The following KCTD16 variants were observed in gnomAD, a reference collection of about 807,000 sequenced individuals.
KCTD16 encodes the protein potassium channel tetramerization domain containing 16.
KCTD16 carries 13 observed loss-of-function variants against 33.2 expected under a neutral mutation model. That is an observed-to-expected ratio of 0.39 (90% CI 0.25 to 0.62). The LOEUF (loss-of-function observed/expected upper bound fraction) is 0.62, where lower values mean the gene tolerates loss of function less well. KCTD16 is among the 20% of genes least tolerant of loss of function. The probability of loss-of-function intolerance (pLI) is 0.50; values close to 1 mark genes in which losing one functional copy is unlikely to be tolerated. For synonymous variants in KCTD16, 197 were observed against 195.3 expected (o/e 1.01, Z -0.07); for missense variants, 441 against 525.1 (o/e 0.84, Z 1.57).
At chr5:144,251,004 C>T (rs978901728) in intron 3 of KCTD16, among the ~76,000 whole-genome samples, 2 of 151,868 alleles carry the variant, frequency 1.3e-5, no homozygotes, top group South Asian at 4.2e-4. Context: ...CGATAAGTAG[C>T]CACATTTTTA....
intron 3 of KCTD16, among the ~76,000 whole-genome samples, chr5:144,413,594 A>G (rs970138228): frequency 7.2e-5 from 11 of 152,218 alleles, no homozygotes; most frequent in African/African-American, 2.7e-4. Context: ...CAATGCTACA[A>G]GACCCCCTTG....
chr5:144,288,476 T>C (rs1580847154), intron 3 of KCTD16, among the ~76,000 whole-genome samples: 2 of 152,206 alleles, frequency 1.3e-5, no homozygotes, highest in African/African-American at 4.8e-5. Context: ...CTATCACCAA[T>C]GGCATCACCA....
chr5:144,366,813 C>T (rs1751846912), intron 3 of KCTD16, among the ~76,000 whole-genome samples: 1 of 152,160 alleles, frequency 6.6e-6, no homozygotes, highest in Non-Finnish European at 1.5e-5. Flanking sequence ...CATGATAGGG[C>T]CACTCAGATG....
chr5:144,470,749 A>C (rs952210673), intron 3 of KCTD16, among the ~76,000 whole-genome samples: 2 of 152,206 alleles, frequency 1.3e-5, no homozygotes, highest in African/African-American at 4.8e-5. Flanking sequence ...ATTTAAATAC[A>C]TGATCATCCC....
chr5:144,209,686 T>A (rs1297781441), intron 3 of KCTD16, among the ~76,000 whole-genome samples: 1 of 151,500 alleles, frequency 6.6e-6, no homozygotes, highest in Non-Finnish European at 1.5e-5. Context: ...GTGCTCGGGT[T>A]AATGGGACGA....
At chr5:144,446,300 T>C (rs947819394) in intron 3 of KCTD16, among the ~76,000 whole-genome samples, 1 of 151,988 alleles carries the variant, frequency 6.6e-6, no homozygotes, top group African/African-American at 2.4e-5. Flanking sequence ...AAACAAGCAA[T>C]GGGGAAAGGA....
intron 3 of KCTD16, among the ~76,000 whole-genome samples, chr5:144,216,856 A>AG (rs1307405900): frequency 7.4e-6 from 1 of 134,460 alleles, no homozygotes; most frequent in East Asian, 1.9e-4. Flanking sequence ...AAAAAAAAAA[A>AG]AAAAGAAAAA....
intron 3 of KCTD16, among the ~76,000 whole-genome samples, chr5:144,450,909 G>A (rs1753926524): frequency 6.6e-6 from 1 of 152,020 alleles, no homozygotes; most frequent in Non-Finnish European, 1.5e-5. Context: ...ATATGGTATT[G>A]TACACTTAAA....
At chr5:144,333,847 G>T (rs1752417028) in intron 3 of KCTD16, among the ~76,000 whole-genome samples, 1 of 152,138 alleles carries the variant, frequency 6.6e-6, no homozygotes, top group Non-Finnish European at 1.5e-5. Flanking sequence ...GACAGATGAA[G>T]AACTAGGTCC....
At chr5:144,251,167 C>T (rs1754690329) in intron 3 of KCTD16, among the ~76,000 whole-genome samples, 1 of 152,024 alleles carries the variant, frequency 6.6e-6, no homozygotes, top group Non-Finnish European at 1.5e-5. Flanking sequence ...TAAGGCGAAG[C>T]TTGAAGAATT....
chr5:144,430,861 T>C (rs944567490), intron 3 of KCTD16, among the ~76,000 whole-genome samples: 3 of 152,166 alleles, frequency 2.0e-5, no homozygotes, highest in South Asian at 2.1e-4. Context: ...TTTCTGCACA[T>C]TGCTTTCCTA....
chr5:144,452,532 G>A (rs1753968987), intron 3 of KCTD16, among the ~76,000 whole-genome samples: 1 of 151,882 alleles, frequency 6.6e-6, no homozygotes, highest in African/African-American at 2.4e-5. Context: ...GGACGAGAAA[G>A]AGCATTGCTA....
intron 3 of KCTD16, among the ~76,000 whole-genome samples, chr5:144,402,491 G>A (rs968497223): frequency 5.9e-5 from 9 of 152,124 alleles, no homozygotes; most frequent in African/African-American, 1.9e-4. Flanking sequence ...AAGAATATAA[G>A]TTAGACTGAT....
chr5:144,395,919 T>A (rs1752558099), intron 3 of KCTD16, among the ~76,000 whole-genome samples: 1 of 152,228 alleles, frequency 6.6e-6, no homozygotes, highest in Non-Finnish European at 1.5e-5. Context: ...CCTGTTTTTG[T>A]AAGTAGTTTC....
rs867399350 is a variant in KCTD16, at chr5:144,256,241, C to G, written c.832+48695C>G. On this transcript the variant is annotated intron_variant, in intron 3 of 3. Coordinates refer to ENST00000512467, the MANE Select transcript of KCTD16 (RefSeq NM_020768.4). The stretch of plus-strand genomic sequence containing the variant: ...TCATTTGGACAAAACAAAAAAGGTG[C>G]AACGATGATTCTTTGTACGGATATA... Among the ~76,000 whole-genome samples the G allele has an allele frequency of 4.4e-4, 67 of 152,274 alleles. 1 individual carries two copies. The highest frequency in any genetic ancestry group is 1.5e-3 in the African/African-American group (64 of 41,558).
chr5:144,435,024 G>A (rs1315472807), intron 3 of KCTD16, among the ~76,000 whole-genome samples: 2 of 152,176 alleles, frequency 1.3e-5, no homozygotes, highest in Admixed American at 1.3e-4. Flanking sequence ...TTTAGAAGGG[G>A]AAGTGGCCAG....
At chr5:144,418,250 C>A (rs1206938710) in intron 3 of KCTD16, among the ~76,000 whole-genome samples, 5 of 152,156 alleles carry the variant, frequency 3.3e-5, no homozygotes, top group East Asian at 3.8e-4. Flanking sequence ...AAGAACAAGG[C>A]TTCCACAGCG....
rs533669227 is a variant in KCTD16 at position 144,441,334 on chromosome 5, GC to G, written c.833-32325del. Among the ~76,000 whole-genome samples the G allele has an allele frequency of 2.0e-5, 3 of 152,214 alleles. No homozygotes were observed. In the East Asian group the frequency reaches 5.8e-4, roughly 29 times the overall value. Reference sequence around the variant, plus strand: ...TGCCATATCTAATAAACCATTGGTGGCTAACCCAAAGACAAAAAGATTTACT... The same window carrying G: ...TGCCATATCTAATAAACCATTGGTGGTAACCCAAAGACAAAAAGATTTACT... On this transcript the variant is annotated intron_variant, in intron 3 of 3. Coordinates refer to ENST00000512467, the MANE Select transcript of KCTD16 (RefSeq NM_020768.4).
chr5:144,224,063 G>T (rs1004420831), intron 3 of KCTD16, among the ~76,000 whole-genome samples: 9 of 151,916 alleles, frequency 5.9e-5, no homozygotes, highest in African/African-American at 2.2e-4. Context: ...ATTTTTATTT[G>T]TTTTGTTTTC....
Sources: allele counts gnomAD v4.1 joint callset (sites outside exome capture counted in the v4.1 genomes callset), GRCh38; gene constraint gnomAD v4.1.1; transcripts MANE v1.5; gene names NCBI Gene and HGNC (gene_info 2026-07-23, HGNC 2026-07-21).